Variants in DIAPH3 observed in about 807,000 individuals in gnomAD.
DIAPH3 encodes the protein protein diaphanous homolog 3.
DIAPH3 carries 117 observed loss-of-function variants against 144.3 expected under a neutral mutation model. The observed-to-expected ratio is 0.81, with a 90% CI of 0.70 to 0.95. The LOEUF is 0.95. DIAPH3 is among the 40% of genes least tolerant of loss of function. The pLI, the probability that DIAPH3 is intolerant of heterozygous loss-of-function variation, is 0.00. For synonymous variants in DIAPH3, 519 were observed against 488.9 expected, an observed-to-expected ratio of 1.06 and a Z score of -0.81; for missense variants, 1,421 against 1,412.7, an observed-to-expected ratio of 1.01 and a Z score of -0.09.
intron 1 of DIAPH3, among the ~76,000 whole-genome samples, chr13:60,144,179 T>A (rs12585751): frequency 6.6e-6 from 1 of 152,120 alleles, no homozygotes; most frequent in African/African-American, 2.4e-5. Flanking sequence ...TGACTACATA[T>A]GAGAATCACC....
chr13:59,864,853 A>G (rs570905523), intron 21 of DIAPH3, among the ~76,000 whole-genome samples: 89 of 152,148 alleles, frequency 5.8e-4, no homozygotes, highest in Admixed American at 5.9e-4. Flanking sequence ...ATTAAAAAGT[A>G]CACTCACTGA....
chr13:59,795,926 C>T (rs2039577891), intron 25 of DIAPH3, among the ~76,000 whole-genome samples: 1 of 152,150 alleles, frequency 6.6e-6, no homozygotes, highest in Non-Finnish European at 1.5e-5. Flanking sequence ...CATATTAGTG[C>T]TTTCATCAGG....
At chr13:59,910,176 T>TA (rs35063217) in intron 20 of DIAPH3, among the ~76,000 whole-genome samples, 38,700 of 144,494 alleles carry the variant, frequency 0.27, 5,071 homozygotes, top group East Asian at 0.42. Context: ...AAAACATAGG[T>TA]AAAAAAAAAA....
At chr13:59,705,231 TC>T (rs1731686033) in intron 27 of DIAPH3, among the ~76,000 whole-genome samples, 1 of 152,122 alleles carries the variant, frequency 6.6e-6, no homozygotes, top group Non-Finnish European at 1.5e-5. Flanking sequence ...CCACCTACTT[TC>T]TTGACTCATG....
At chr13:59,680,030 T>C (rs1005238688) in intron 27 of DIAPH3, among the ~76,000 whole-genome samples, 1 of 152,200 alleles carries the variant, frequency 6.6e-6, no homozygotes, top group African/African-American at 2.4e-5. Context: ...AGAAGGTTTA[T>C]GTCCTCAAAC....
intron 17 of DIAPH3, among the ~76,000 whole-genome samples, chr13:59,966,816 T>C (rs1320188867): frequency 6.6e-6 from 1 of 152,122 alleles, no homozygotes; most frequent in East Asian, 1.9e-4. Flanking sequence ...TAGCCTCGGT[T>C]CTCAGTCCAA....
chr13:59,808,417 T>C (rs1281573439), intron 25 of DIAPH3, among the ~76,000 whole-genome samples: 3 of 151,864 alleles, frequency 2.0e-5, no homozygotes, highest in Admixed American at 6.6e-5. Flanking sequence ...ATCTATAAAA[T>C]TAGCAAAAAT....
chr13:59,791,313 A>C (rs2039314056), intron 25 of DIAPH3, among the ~76,000 whole-genome samples: 1 of 152,216 alleles, frequency 6.6e-6, no homozygotes, highest in African/African-American at 2.4e-5. Context: ...TAAAATAAAG[A>C]ATAAAAAATT....
intron 2 of DIAPH3, among the ~76,000 whole-genome samples, chr13:60,122,433 T>G (rs76661493): frequency 8.5e-5 from 13 of 152,316 alleles, no homozygotes; most frequent in African/African-American, 3.1e-4. Flanking sequence ...TAAATGCCTG[T>G]GAACTAGGCT....
In DIAPH3 at chr13:59,923,901, T is replaced by C. The variant is rs570008035; in HGVS notation, c.2170+874A>G. Among the ~76,000 whole-genome samples the C allele has an allele frequency of 4.6e-5, 7 of 152,322 alleles. No homozygotes were observed. The South Asian group carries it at 1.4e-3, about 32-fold the overall frequency. ...ATGCCAACTCTACCATTTGAATATA[T>C]TGCCTCTAACATAACTCTCTCTTTA... On this transcript the variant is annotated intron_variant, in intron 18 of 27. Coordinates refer to ENST00000400324, the MANE Select transcript of DIAPH3 (RefSeq NM_001042517.2).
intron 3 of DIAPH3, among the ~76,000 whole-genome samples, chr13:60,109,241 G>A (rs1466969611): frequency 6.6e-6 from 1 of 152,186 alleles, no homozygotes; most frequent in Non-Finnish European, 1.5e-5. Flanking sequence ...CACACGGTGT[G>A]TGACTGCCAC....
intron 2 of DIAPH3, among the ~76,000 whole-genome samples, chr13:60,115,447 G>A (rs139482728): frequency 6.6e-6 from 1 of 152,286 alleles, no homozygotes; most frequent in East Asian, 1.9e-4. Flanking sequence ...GATGATTAGT[G>A]TCAGGTGACA....
At chr13:59,712,565 T>C (rs2034808148) in intron 27 of DIAPH3, among the ~76,000 whole-genome samples, 2 of 152,208 alleles carry the variant, frequency 1.3e-5, no homozygotes, top group Non-Finnish European at 2.9e-5. Flanking sequence ...CCATTCTCCA[T>C]ATAGCTGGCT....
chr13:59,958,289 G>C (rs546659626), intron 17 of DIAPH3, among the ~76,000 whole-genome samples: 2 of 151,998 alleles, frequency 1.3e-5, no homozygotes, highest in African/African-American at 2.4e-5. Context: ...ACTAGGAAAA[G>C]GTCTCTATTG....
At chr13:60,154,925 C>A (rs1408663934) in intron 1 of DIAPH3, among the ~76,000 whole-genome samples, 9 of 152,144 alleles carry the variant, frequency 5.9e-5, no homozygotes, top group African/African-American at 2.2e-4. Context: ...TAATACGTAG[C>A]AGTTTTTTCC....
At chr13:59,712,012 G>A (rs1332497966) in intron 27 of DIAPH3, among the ~76,000 whole-genome samples, 1 of 152,044 alleles carries the variant, frequency 6.6e-6, no homozygotes, top group African/African-American at 2.4e-5. Flanking sequence ...CCTCTCTTGG[G>A]ACAATAAAAC....
chr13:60,015,819 A>G, intron 7 of DIAPH3, 94 bp downstream of exon 7: 2 of 1,107,486 alleles, frequency 1.8e-6, no homozygotes, highest in Non-Finnish European at 2.7e-6. Flanking sequence ...GTACTAAAAA[A>G]CACATCAGAA....
At chr13:59,765,175 A>G (rs2139218142) in intron 27 of DIAPH3, among the ~76,000 whole-genome samples, 1 of 152,318 alleles carries the variant, frequency 6.6e-6, no homozygotes, top group Admixed American at 6.5e-5. Flanking sequence ...AAACTAGTTT[A>G]TATTACTTCC....
chr13:59,881,350 A>G (rs1739496726), intron 20 of DIAPH3, among the ~76,000 whole-genome samples: 1 of 152,128 alleles, frequency 6.6e-6, no homozygotes. Context: ...GAAGGTGTAT[A>G]ATGGGCTCAT....
Sources: allele counts gnomAD v4.1 joint callset (sites outside exome capture counted in the v4.1 genomes callset), GRCh38; gene constraint gnomAD v4.1.1; transcripts MANE v1.5; gene names NCBI Gene and HGNC (gene_info 2026-07-23, HGNC 2026-07-21).